Variants in PALM2AKAP2 observed in about 807,000 individuals in gnomAD.
The protein encoded by PALM2AKAP2 is PALM2 and AKAP2 fusion.
Under a neutral mutation model 71.5 loss-of-function variants are expected in PALM2AKAP2, and 37 were observed. The observed-to-expected ratio is 0.52, with a 90% CI of 0.40 to 0.68. The LOEUF is 0.68. PALM2AKAP2 is among the 30% of genes least tolerant of loss of function. The pLI, the probability that PALM2AKAP2 is intolerant of heterozygous loss-of-function variation, is 0.00. For synonymous variants in PALM2AKAP2, 468 were observed against 478.8 expected (o/e 0.98, Z 0.29); for missense variants, 1,224 against 1,191.8 (o/e 1.03, Z -0.40).
intron 1 of PALM2AKAP2, chr9:109,771,903 C>T (rs138993718): frequency 4.3e-4 from 65 of 152,386 alleles, no homozygotes; most frequent in African/African-American, 1.5e-3. Context: ...CCCTCTCCTC[C>T]CCTCCCACCC....
At chr9:109,959,811 C>T (rs1385606360) in intron 6 of PALM2AKAP2, among the ~76,000 whole-genome samples, 2 of 151,940 alleles carry the variant, frequency 1.3e-5, no homozygotes, top group African/African-American at 4.8e-5. Context: ...GAGAAAATTT[C>T]CCTCATTGAA....
chr9:109,678,048 A>G lies in PALM2AKAP2; in HGVS notation c.5+37182A>G, dbSNP rs559327600. On this transcript the variant is annotated intron_variant, in intron 1 of 6. Coordinates refer to the PALM2AKAP2 transcript ENST00000374531. The stretch of plus-strand genomic sequence containing the variant: ...GTGGCCTGAGCAAGGAGGGGGGAAA[A>G]CAATTGGTTACAAGATTCAGAATGT... 2.8e-4 allele frequency among the ~76,000 whole-genome samples: 42 copies of G among 152,334 alleles called. No individual in the cohort carries two copies. In the East Asian group the frequency reaches 5.4e-3, roughly 20 times the overall value.
At chr9:109,853,070 G>T (rs1301952325) in intron 1 of PALM2AKAP2, among the ~76,000 whole-genome samples, 2 of 152,054 alleles carry the variant, frequency 1.3e-5, no homozygotes, top group African/African-American at 2.4e-5. Flanking sequence ...TTGAATTCTG[G>T]TCTTAACACT....
chr9:109,657,494 G>T (rs927683623), intron 1 of PALM2AKAP2, among the ~76,000 whole-genome samples: 3 of 136,710 alleles, frequency 2.2e-5, no homozygotes, highest in African/African-American at 8.6e-5. Context: ...TCAATGGAGG[G>T]TCTTGGGAGC....
intron 1 of PALM2AKAP2, among the ~76,000 whole-genome samples, chr9:109,656,398 C>T (rs982005768): frequency 2.6e-5 from 4 of 152,184 alleles, no homozygotes; most frequent in Non-Finnish European, 5.9e-5. Context: ...AAAAACATAT[C>T]TTCCTTTTGC....
At chr9:109,872,912 C>G (rs547956998) in intron 2 of PALM2AKAP2, among the ~76,000 whole-genome samples, 1 of 152,220 alleles carries the variant, frequency 6.6e-6, no homozygotes, top group Non-Finnish European at 1.5e-5. Context: ...TCCCTTGTTT[C>G]CATACCCAGA....
At chr9:109,830,180 G>A (rs925843288) in intron 1 of PALM2AKAP2, among the ~76,000 whole-genome samples, 1 of 152,182 alleles carries the variant, frequency 6.6e-6, no homozygotes, top group Non-Finnish European at 1.5e-5. Context: ...GACTCTTTGT[G>A]AGACAGTGTT....
exon 2 of PALM2AKAP2, chr9:110,138,283 C>T (rs1835943753): frequency 1.2e-6 from 2 of 1,614,212 alleles, no homozygotes; most frequent in Admixed American, 1.7e-5. Context: ...GCTATTTCAG[C>T]AAGTACTCGG....
chr9:109,736,753 C>A (rs1828642195), intron 1 of PALM2AKAP2, among the ~76,000 whole-genome samples: 1 of 152,114 alleles, frequency 6.6e-6, no homozygotes, highest in East Asian at 1.9e-4. Flanking sequence ...CTCACCCCAA[C>A]CTTCCACTCT....
chr9:110,109,331 A>AC (rs1378148242), intron 1 of PALM2AKAP2, among the ~76,000 whole-genome samples: 3 of 144,268 alleles, frequency 2.1e-5, no homozygotes, highest in Admixed American at 7.0e-5. Flanking sequence ...AAAAAAAAAA[A>AC]AAAAACCAGA....
At chr9:110,167,055 G>T (rs4978414) in intron 3 of PALM2AKAP2, among the ~76,000 whole-genome samples, 79,788 of 152,046 alleles carry the variant, frequency 0.52, 21,356 homozygotes, top group East Asian at 0.86. Flanking sequence ...GACAGTGTGT[G>T]CAGGGGAACT....
upstream of PALM2AKAP2, among the ~76,000 whole-genome samples, chr9:110,046,325 T>G (rs1427749934): frequency 6.6e-6 from 1 of 152,200 alleles, no homozygotes; most frequent in Non-Finnish European, 1.5e-5. Flanking sequence ...TAATATCTAT[T>G]AAGCATATAT....
intron 1 of PALM2AKAP2, among the ~76,000 whole-genome samples, chr9:110,083,681 G>A (rs997170983): frequency 1.3e-5 from 2 of 152,104 alleles, no homozygotes; most frequent in Non-Finnish European, 2.9e-5. Context: ...AGCTTCCAGG[G>A]GGATAAAATA....
chr9:109,781,765 T>C (rs1826806242), intron 1 of PALM2AKAP2, among the ~76,000 whole-genome samples: 1 of 152,234 alleles, frequency 6.6e-6, no homozygotes, highest in African/African-American at 2.4e-5. Flanking sequence ...GCCTATTAGG[T>C]AATCTTTGAA....
chr9:109,662,063 T>A (rs1306596362), intron 1 of PALM2AKAP2, among the ~76,000 whole-genome samples: 1 of 152,206 alleles, frequency 6.6e-6, no homozygotes, highest in African/African-American at 2.4e-5. Context: ...AAGGAGATTT[T>A]GGGCTGAGAT....
In PALM2AKAP2 at chr9:109,774,648, C is replaced by T. The variant is rs189718135; in HGVS notation, c.6-5840C>T. Among the ~76,000 whole-genome samples the T allele has an allele frequency of 5.3e-5, 8 of 151,558 alleles. No individual in the cohort carries two copies. The East Asian group carries it at 1.4e-3, about 26-fold the overall frequency. On this transcript the variant is annotated intron_variant, in intron 1 of 6. Coordinates refer to the PALM2AKAP2 transcript ENST00000374531. ...ACTAATGGGAGGAATGTTAAGAATA[C>T]CGATAGCTCAACCCTTAAAAAAAAA...
chr9:110,001,324 A>T (rs1759351881), intron 6 of PALM2AKAP2, among the ~76,000 whole-genome samples: 1 of 152,232 alleles, frequency 6.6e-6, no homozygotes, highest in African/African-American at 2.4e-5. Context: ...AGTTAGTTGT[A>T]GAAATGTGGC....
chr9:110,031,105 T>C (rs1371241107), intron 7 of PALM2AKAP2, among the ~76,000 whole-genome samples: 1 of 152,114 alleles, frequency 6.6e-6, no homozygotes, highest in Non-Finnish European at 1.5e-5. Flanking sequence ...TGCTCACAGA[T>C]TGTGAGGTTT....
intron 1 of PALM2AKAP2, among the ~76,000 whole-genome samples, chr9:109,668,664 A>G (rs926584122): frequency 2.6e-5 from 4 of 152,130 alleles, no homozygotes; most frequent in Non-Finnish European, 5.9e-5. Flanking sequence ...CTGTGGGCAA[A>G]CTGATTAGCC....
Sources: gnomAD v4.1 joint callset for allele counts (sites outside exome capture counted in the v4.1 genomes callset) on GRCh38, gnomAD v4.1.1 for gene constraint, MANE v1.5 for transcripts, NCBI Gene and HGNC (gene_info 2026-07-23, HGNC 2026-07-21) for gene names.